ZNRF3: variants seen among roughly 807,000 people sequenced by gnomAD.
ZNRF3 encodes the protein zinc and ring finger 3, also known as E3 ubiquitin-protein ligase ZNRF3.
ZNRF3 carries 23 observed loss-of-function variants against 72.5 expected under a neutral mutation model. The ratio of observed to expected loss-of-function variants is 0.32; its 90% CI spans 0.23 to 0.45. ZNRF3 has a LOEUF of 0.45. ZNRF3 is among the 20% of genes least tolerant of loss of function. The pLI is 1.00. For missense variants in ZNRF3, 1,169 were observed against 1,272.1 expected (o/e 0.92, Z 1.23); for synonymous variants, 610 against 545.3 (o/e 1.12, Z -1.65).
At chr22:28,969,920 A>T (rs1313576340) in intron 1 of ZNRF3, among the ~76,000 whole-genome samples, 2 of 152,092 alleles carry the variant, frequency 1.3e-5, no homozygotes, top group African/African-American at 4.8e-5. Flanking sequence ...TTTTGTAGGT[A>T]AAGTCGGCAG....
At chr22:29,036,055 C>T (rs2036862378) in intron 2 of ZNRF3, among the ~76,000 whole-genome samples, 1 of 151,972 alleles carries the variant, frequency 6.6e-6, no homozygotes, top group South Asian at 2.1e-4. Flanking sequence ...TTTATTCTTG[C>T]CAATATGTGG....
chr22:28,931,335 C>A (rs2034703213), intron 1 of ZNRF3, among the ~76,000 whole-genome samples: 1 of 152,080 alleles, frequency 6.6e-6, no homozygotes, highest in South Asian at 2.1e-4. Context: ...AGAAACTGAA[C>A]CTGTGTAAAA....
At chr22:28,972,614 G>T (rs2035596512) in intron 1 of ZNRF3, among the ~76,000 whole-genome samples, 1 of 152,140 alleles carries the variant, frequency 6.6e-6, no homozygotes, top group Non-Finnish European at 1.5e-5. Flanking sequence ...TTTCTCTTGG[G>T]TATATACTCA....
intron 2 of ZNRF3, among the ~76,000 whole-genome samples, chr22:28,990,317 C>T (rs2035931489): frequency 6.6e-6 from 1 of 152,330 alleles, no homozygotes; most frequent in Non-Finnish European, 1.5e-5. Context: ...AAAACAGGCT[C>T]TGTTACCTGT....
rs1244802777 is a variant in ZNRF3, at chr22:29,055,892, G to A, written c.*2270G>A. On this transcript the variant is annotated 3_prime_UTR_variant, in exon 9 of 9. Coordinates refer to ENST00000544604, the MANE Select transcript of ZNRF3 (RefSeq NM_001206998.2). ...TCCCAAAGTGGCTTTCTTTAGCCCTGGCTGGAAAACCACCTCTCAATAGCC... is the reference window on the plus strand; with the variant it reads ...TCCCAAAGTGGCTTTCTTTAGCCCTAGCTGGAAAACCACCTCTCAATAGCC... 1 of 151,990 alleles carries A rather than the reference G, an allele frequency of 6.6e-6. No homozygotes were observed. Among genetic ancestry groups the A allele is most frequent in the Non-Finnish European group, 1.5e-5 (1 of 67,998 alleles). 9.4% of individuals were successfully genotyped at this position (151,990 alleles called of 1,614,324 possible). A position where few individuals can be genotyped will look rare whatever the true frequency, so the allele number is the denominator to read the frequency against.
rs267606212 is a variant in ZNRF3 at position 29,044,824 on chromosome 22, C to T, written c.678C>T (p.Phe226=). 27 of 1,613,998 alleles carry T rather than the reference C, an allele frequency of 1.7e-5. No individual in the cohort carries two copies. Among genetic ancestry groups the T allele is most frequent in the East Asian group, 4.5e-5 (2 of 44,882 alleles). Residue 226 remains phenylalanine (F), a synonymous_variant, in exon 5 of 9, where the codon TTC becomes TTT. Transcript: ENST00000544604. ...ACATGGGGATTTTCCTGGCTTTCTT[C>T]GTCGTGGTCTCCTTGGTCTGCCTCA... ...YFDMGIFLAF[F]VVVSLVCLIL...
At chr22:29,007,149 G>T (rs1382167291) in intron 2 of ZNRF3, among the ~76,000 whole-genome samples, 2 of 152,218 alleles carry the variant, frequency 1.3e-5, no homozygotes, top group Non-Finnish European at 2.9e-5. Context: ...TGGTCATGCA[G>T]CTGGTCTGGG....
At chr22:28,906,082 T>C (rs895773573) in intron 1 of ZNRF3, among the ~76,000 whole-genome samples, 11 of 152,210 alleles carry the variant, frequency 7.2e-5, no homozygotes, top group Middle Eastern at 3.2e-3. Flanking sequence ...CCCAGCACTT[T>C]AGGAGGCTGA....
At chr22:28,934,002 T>A (rs1053532543) in intron 1 of ZNRF3, among the ~76,000 whole-genome samples, 1 of 151,898 alleles carries the variant, frequency 6.6e-6, no homozygotes, top group Non-Finnish European at 1.5e-5. Context: ...CATTCATATT[T>A]GGGGGAAGGA....
intron 1 of ZNRF3, among the ~76,000 whole-genome samples, chr22:28,922,196 T>A (rs562155348): frequency 6.6e-5 from 10 of 152,340 alleles, no homozygotes; most frequent in African/African-American, 2.4e-4. Flanking sequence ...CCTTTTGGAT[T>A]TTGCGTTTTT....
chr22:28,946,091 A>G (rs1185525051), intron 1 of ZNRF3, among the ~76,000 whole-genome samples: 2 of 152,188 alleles, frequency 1.3e-5, no homozygotes, highest in Non-Finnish European at 2.9e-5. Flanking sequence ...CAGATTAGGG[A>G]TGCTCAACTG....
chr22:29,032,400 C>T (rs576468680), intron 2 of ZNRF3, among the ~76,000 whole-genome samples: 1 of 152,248 alleles, frequency 6.6e-6, no homozygotes, highest in African/African-American at 2.4e-5. Flanking sequence ...GATACAGATC[C>T]ACAACAAGGC....
rs132537 is a variant in ZNRF3 at position 28,907,149 on chromosome 22, G to T, written c.300+23083G>T. On this transcript the variant is annotated intron_variant, in intron 1 of 8. Transcript: ENST00000544604. ...AGGCACACGCCGCCACGCCCGTCCA[G>T]TTTTTTTTTTTTTTTTGTATTTTAG... 4.0e-3 allele frequency among the ~76,000 whole-genome samples: 592 copies of T among 146,926 alleles called. 6 individuals carry two copies. Among genetic ancestry groups the T allele is most frequent in the African/African-American group, 0.01 (417 of 40,020 alleles).
intron 1 of ZNRF3, among the ~76,000 whole-genome samples, chr22:28,959,875 C>G (rs2035325666): frequency 6.6e-6 from 1 of 152,152 alleles, no homozygotes; most frequent in East Asian, 1.9e-4. Context: ...TGGTGGCCAC[C>G]ACAAGCTAAG....
intron 4 of ZNRF3, among the ~76,000 whole-genome samples, chr22:29,044,152 C>T (rs1393689214): frequency 1.3e-5 from 2 of 152,208 alleles, no homozygotes; most frequent in Non-Finnish European, 2.9e-5. Context: ...GCAGCTTCCA[C>T]TTTGCAAAGC....
At chr22:28,998,564 T>C (rs1222895041) in intron 2 of ZNRF3, among the ~76,000 whole-genome samples, 1 of 152,184 alleles carries the variant, frequency 6.6e-6, no homozygotes, top group African/African-American at 2.4e-5. Context: ...ATTGGCATGA[T>C]GTAAGTGGAA....
At chr22:28,948,302 C>T (rs1034739073) in intron 1 of ZNRF3, among the ~76,000 whole-genome samples, 1 of 152,112 alleles carries the variant, frequency 6.6e-6, no homozygotes, top group Admixed American at 6.5e-5. Flanking sequence ...GTAGCTGGGA[C>T]TACAGGCATG....
Position 29,049,690 on chromosome 22 carries a change from C to T in ZNRF3, c.1509C>T (p.Gly503=), listed in dbSNP as rs1214876325. The change falls in exon 8 of 9, where the codon GGC becomes GGT. Residue 503 remains glycine, a synonymous_variant. Transcript: ENST00000544604. The surrounding 1 kb of genome is among the most constrained non-coding windows in gnomAD (Gnocchi z 5.2). The stretch of plus-strand genomic sequence containing the variant: ...CGGCCCGTGCCTTTCCTCCGAGCGG[C>T]AGTGGCAGCCTGCTCTTCCCCACCG... The part of the protein sequence containing the change: ...RGPARAFPPS[G]SGSLLFPTVV... The T allele has an allele frequency of 6.2e-7, 1 of 1,606,680 alleles. No individual in the cohort carries two copies. The highest frequency in any genetic ancestry group is 1.7e-5 in the Admixed American group (1 of 59,840).
Position 28,912,686 on chromosome 22 carries a change from C to T in ZNRF3, c.300+28620C>T, listed in dbSNP as rs1396242325. On this transcript the variant is annotated intron_variant, in intron 1 of 8. Transcript: ENST00000544604. ...TCTTTTTTTTTTTTTTTTTTTGAGA[C>T]GGAGTTTTGCTCTTGTTGCCCAGGC... Among the ~76,000 whole-genome samples, 5 of 120,054 alleles carry T rather than the reference C, an allele frequency of 4.2e-5. No individual in the cohort carries two copies. The East Asian group carries it at 7.1e-4, about 17-fold the overall frequency. The allele number at this position is 120,054 out of a possible 152,430, so 78.8% of individuals were successfully genotyped here.
Sources: allele counts gnomAD v4.1 joint callset (sites outside exome capture counted in the v4.1 genomes callset), GRCh38; gene constraint gnomAD v4.1.1; non-coding constraint Gnocchi (gnomAD v3.1); transcripts MANE v1.5; gene names NCBI Gene and HGNC (gene_info 2026-07-23, HGNC 2026-07-21).